The following SUPT6H variants were observed in gnomAD, a reference collection of about 807,000 sequenced individuals.
SUPT6H encodes transcription elongation factor SPT6.
A neutral mutation model predicts 222.3 loss-of-function variants in SUPT6H; 11 were observed. The ratio of observed to expected loss-of-function variants is 0.05; its 90% CI spans 0.03 to 0.08. SUPT6H has a LOEUF of 0.08. Among genes scored for constraint, SUPT6H ranks in the 10% least tolerant of loss-of-function variants. The pLI, the probability that SUPT6H is intolerant of heterozygous loss-of-function variation, is 1.00. For synonymous variants in SUPT6H, 762 were observed against 801.2 expected (o/e 0.95, Z 0.83); for missense variants, 1,422 against 2,216.0 (o/e 0.64, Z 7.19).
At position 28,673,420 on chromosome 17, in the gene SUPT6H, A is replaced by G. The variant is rs2030552353; in HGVS notation, c.19A>G (p.Ser7Gly). 1.2e-6 allele frequency: 2 copies of G among 1,614,062 alleles called. No individual in the cohort carries two copies. The highest frequency in any genetic ancestry group is 1.7e-6 in the Non-Finnish European group (2 of 1,179,964). The change falls in exon 2 of 37, where the codon AGC (serine) becomes GGC (glycine). Residue 7 changes from serine (S) to glycine (G), a missense_variant. Ser to Gly is a moderately conservative substitution (Grantham distance 56). Around this residue, in one of 13 missense-constraint regions of SUPT6H, gnomAD observed 89 missense variants for 118.9 expected, o/e 0.75. Transcript: ENST00000314616. The part of the protein sequence containing the change: MSDFVE[S>G]EAEESEEEYN... ...TGCAGCAATGTCTGATTTTGTGGAA[A>G]GCGAGGCTGAGGAGTCAGAGGAAGA... is the stretch of plus-strand genomic sequence containing the variant.
At chr17:28,667,527 G>A (rs2030153809) in intron 1 of SUPT6H, among the ~76,000 whole-genome samples, 1 of 147,810 alleles carries the variant, frequency 6.8e-6, no homozygotes, top group Admixed American at 6.8e-5. Context: ...ACGTGTGTGT[G>A]TGTGTGTTTT....
At position 28,696,884 on chromosome 17, in the gene SUPT6H, T is replaced by C. The variant is rs1260253333; in HGVS notation, c.4011T>C (p.Asn1337=). ...KRVIAHPSFH[N]INFKQAEKMM... ...TGATCGCACACCCATCCTTCCATAATATCAATTTCAAGCAAGCAGAAAAGA... is the reference window on the plus strand; with the variant it reads ...TGATCGCACACCCATCCTTCCATAACATCAATTTCAAGCAAGCAGAAAAGA... The change falls in exon 30 of 37, where the codon AAT becomes AAC. Residue 1337 remains asparagine (N), a synonymous_variant. Coordinates refer to ENST00000314616, the MANE Select transcript of SUPT6H (RefSeq NM_003170.5). 6.2e-7 allele frequency: 1 copy of C among 1,613,964 alleles called. No individual in the cohort carries two copies. The highest frequency in any genetic ancestry group is 8.5e-7 in the Non-Finnish European group (1 of 1,179,998).
chr17:28,699,593 C>T (rs764810075), intron 32 of SUPT6H, among the ~76,000 whole-genome samples, 188 bp from the exon 33 acceptor site: 1 of 152,184 alleles, frequency 6.6e-6, no homozygotes, highest in Non-Finnish European at 1.5e-5. Context: ...GGGCCACTGA[C>T]TCCTTGGTCT....
At chr17:28,679,535 C>G (rs964703645) in intron 11 of SUPT6H, among the ~76,000 whole-genome samples, 1 of 152,024 alleles carries the variant, frequency 6.6e-6, no homozygotes, top group Non-Finnish European at 1.5e-5. Context: ...AGTGAAAGAG[C>G]AAGATCCGGT....
chr17:28,665,220 C>G (rs1414002342), intron 1 of SUPT6H, among the ~76,000 whole-genome samples: 1 of 152,168 alleles, frequency 6.6e-6, no homozygotes, highest in Non-Finnish European at 1.5e-5. Context: ...TATTATATAC[C>G]ATGTTCTTGC....
intron 18 of SUPT6H, 46 bp downstream of exon 18, chr17:28,684,771 A>G (rs1240718682): frequency 1.2e-6 from 2 of 1,612,656 alleles, no homozygotes; most frequent in Non-Finnish European, 1.7e-6. Flanking sequence ...TTGTCTTCCT[A>G]ATTTCATTTT....
chr17:28,697,393 G>GCA (rs1052051125), intron 30 of SUPT6H, among the ~76,000 whole-genome samples: 2 of 152,176 alleles, frequency 1.3e-5, no homozygotes, highest in African/African-American at 4.8e-5. Flanking sequence ...GAAATCTGGT[G>GCA]AATTTTCCTG....
Position 28,683,084 on chromosome 17 carries a change from G to T in SUPT6H, c.1870G>T (p.Gly624Cys). The change falls in exon 15 of 37, where the codon GGT becomes TGT. Residue 624 changes from glycine (G) to cysteine (C), a missense_variant. This residue lies in a region of SUPT6H where 121 missense variants were observed against 158.0 expected (regional missense o/e 0.77). Coordinates refer to ENST00000314616, the MANE Select transcript of SUPT6H (RefSeq NM_003170.5). ...AKLNITPTKK[G>C]RKDVDEAHYA... The stretch of plus-strand genomic sequence containing the variant: ...GTTAAATATAACCCCCACCAAGAAA[G>T]GTAGAAAGGTGAGCTGGGTGAAGGG... The T allele has an allele frequency of 6.3e-7, 1 of 1,598,566 alleles. No individual in the cohort carries two copies. Among genetic ancestry groups the T allele is most frequent in the Non-Finnish European group, 8.5e-7 (1 of 1,174,622 alleles).
Position 28,688,379 on chromosome 17 carries a change from T to C in SUPT6H, c.3134+161T>C. ...TATTCAGTCAAGAGCCCCTGACCTA[T>C]GGAAAAGATCGGTTCAATCATGTGA... On this transcript the variant is annotated intron_variant, in intron 24 of 36. Coordinates refer to ENST00000314616, the MANE Select transcript of SUPT6H (RefSeq NM_003170.5). This position sits in a 1 kb window ranked among gnomAD's most constrained non-coding sequence, Gnocchi z 4.3. 1 of 817,772 alleles carries C rather than the reference T, an allele frequency of 1.2e-6. No individual in the cohort carries two copies. Among genetic ancestry groups the C allele is most frequent in the South Asian group, 3.1e-5 (1 of 31,986 alleles). The allele number at this position is 817,772 out of a possible 1,614,324, so 50.7% of individuals were successfully genotyped here. A position where few individuals can be genotyped will look rare whatever the true frequency, so the allele number is the denominator to read the frequency against.
intron 11 of SUPT6H, 150 bp from the exon 12 acceptor site, chr17:28,681,103 AAAT>A: frequency 1.3e-6 from 1 of 760,898 alleles, no homozygotes; most frequent in South Asian, 1.8e-5. Flanking sequence ...TGTCTCAGAA[AAAT>A]AATAACAATA....
At chr17:28,689,667 T>C in intron 25 of SUPT6H, 106 bp downstream of exon 25, 1 of 1,079,170 alleles carries the variant, frequency 9.3e-7, no homozygotes. Flanking sequence ...ACTGTTAGTA[T>C]GGCAGACTTG....
intron 36 of SUPT6H, 113 bp from the exon 37 acceptor site, chr17:28,701,326 A>T: frequency 2.1e-6 from 3 of 1,441,878 alleles, no homozygotes; most frequent in Non-Finnish European, 2.8e-6. Flanking sequence ...GCCTTATCCC[A>T]GTAGAGGGGC....
intron 8 of SUPT6H, 85 bp from the exon 9 acceptor site, chr17:28,677,991 G>T: frequency 1.4e-6 from 2 of 1,436,158 alleles, no homozygotes; most frequent in South Asian, 1.2e-5. Context: ...ATCTAGAAAG[G>T]TTATCCTTTG....
intron 36 of SUPT6H, 124 bp downstream of exon 36, chr17:28,701,252 AG>A: frequency 1.4e-6 from 2 of 1,427,376 alleles, no homozygotes; most frequent in Non-Finnish European, 9.4e-7. Flanking sequence ...ATGATATGCC[AG>A]GAACACTAGT....
chr17:28,674,896 G>A (rs2151617661), intron 4 of SUPT6H, 74 bp from the exon 5 acceptor site: 1 of 1,512,120 alleles, frequency 6.6e-7, no homozygotes, highest in Non-Finnish European at 9.0e-7. Flanking sequence ...GGGAAGAAGG[G>A]AGTGAGACTG....
chr17:28,692,352 G>A (rs1343744931), intron 27 of SUPT6H, among the ~76,000 whole-genome samples: 1 of 146,012 alleles, frequency 6.8e-6, no homozygotes, highest in Non-Finnish European at 1.5e-5. Flanking sequence ...GAGGGGCCAG[G>A]CCGGGCACAG....
intron 32 of SUPT6H, among the ~76,000 whole-genome samples, chr17:28,698,425 T>C (rs2032011937): frequency 6.6e-6 from 1 of 152,206 alleles, no homozygotes; most frequent in African/African-American, 2.4e-5. Context: ...ATGTGCTCAC[T>C]CCGCCCGCAC....
chr17:28,695,168 CT>C, intron 28 of SUPT6H, 183 bp from the exon 29 acceptor site: 1 of 613,178 alleles, frequency 1.6e-6, no homozygotes, highest in South Asian at 2.0e-5. Context: ...AGGGCTTGGC[CT>C]GTAGTCTACA....
intron 32 of SUPT6H, among the ~76,000 whole-genome samples, chr17:28,699,273 G>C (rs1162463765): frequency 6.6e-6 from 1 of 152,218 alleles, no homozygotes; most frequent in Non-Finnish European, 1.5e-5. Context: ...GGTGCAGCGT[G>C]TCATATGTGG....
Sources: allele counts gnomAD v4.1 joint callset (sites outside exome capture counted in the v4.1 genomes callset), GRCh38; gene constraint gnomAD v4.1.1; regional missense constraint gnomAD v4.1.1; non-coding constraint Gnocchi (gnomAD v3.1); transcripts MANE v1.5; gene names NCBI Gene and HGNC (gene_info 2026-07-23, HGNC 2026-07-21).